Variants in PDK1 observed in about 807,000 individuals in gnomAD.
The protein encoded by PDK1 is pyruvate dehydrogenase kinase 1.
Under a neutral mutation model 54.2 loss-of-function variants are expected in PDK1, and 39 were observed. The ratio of observed to expected loss-of-function variants is 0.72; its 90% confidence interval spans 0.56 to 0.94. The LOEUF (loss-of-function observed/expected upper bound fraction) is 0.94, where lower values mean the gene tolerates loss of function less well. Among genes scored for constraint, PDK1 ranks in the 40% least tolerant of loss-of-function variants. The pLI is 0.00. For synonymous variants in PDK1, 221 were observed against 207.1 expected, an observed-to-expected ratio of 1.07 and a Z score of -0.58; for missense variants, 552 against 566.0, an observed-to-expected ratio of 0.98 and a Z score of 0.25.
the PDK1 span, among the ~76,000 whole-genome samples, chr2:172,702,830 C>A: frequency 2.8e-4 from 42 of 152,082 alleles, no homozygotes; most frequent in Non-Finnish European, 5.4e-4. Context: ...AGGGCAAAAC[C>A]ACTGGTACCC....
At chr2:172,634,882 A>G in the PDK1 span, among the ~76,000 whole-genome samples, 23 of 152,302 alleles carry the variant, frequency 1.5e-4, no homozygotes, top group South Asian at 2.7e-3. Flanking sequence ...GCAGTGTATT[A>G]GTGCATTATA....
At chr2:172,692,081 C>T in the PDK1 span, among the ~76,000 whole-genome samples, 1 of 152,146 alleles carries the variant, frequency 6.6e-6, no homozygotes, top group Admixed American at 6.5e-5. Context: ...ATCAGCCTGC[C>T]CATGCTTGAT....
the PDK1 span, among the ~76,000 whole-genome samples, chr2:172,650,869 C>T: frequency 1.3e-5 from 2 of 152,156 alleles, no homozygotes; most frequent in East Asian, 3.9e-4. Flanking sequence ...TAGACTCCCA[C>T]ACAATAATAA....
At chr2:172,650,212 C>T in the PDK1 span, among the ~76,000 whole-genome samples, 1 of 152,154 alleles carries the variant, frequency 6.6e-6, no homozygotes, top group Non-Finnish European at 1.5e-5. Context: ...GAATTTTCAA[C>T]CCAGAATTTC....
the PDK1 span, among the ~76,000 whole-genome samples, chr2:172,693,256 G>T: frequency 6.6e-6 from 1 of 152,242 alleles, no homozygotes; most frequent in Non-Finnish European, 1.5e-5. Context: ...TGGCACACTG[G>T]CTGGAAGCCA....
chr2:172,640,852 C>T, the PDK1 span, among the ~76,000 whole-genome samples: 16 of 152,292 alleles, frequency 1.1e-4, no homozygotes, highest in South Asian at 3.1e-3. Flanking sequence ...CATGGATACA[C>T]AGTAGCCTTG....
At chr2:172,683,591 A>T in the PDK1 span, among the ~76,000 whole-genome samples, 13 of 152,142 alleles carry the variant, frequency 8.5e-5, no homozygotes, top group African/African-American at 2.9e-4. Context: ...AGATACATGG[A>T]TATATACATT....
chr2:172,685,701 C>T, the PDK1 span, among the ~76,000 whole-genome samples: 1 of 152,192 alleles, frequency 6.6e-6, no homozygotes, highest in East Asian at 1.9e-4. Flanking sequence ...CTGATAAATG[C>T]ACCCGATACA....
At chr2:172,641,006 CTTTCTTTCTTTCTTTTCTT>C in the PDK1 span, among the ~76,000 whole-genome samples, 1 of 18,802 alleles carries the variant, frequency 5.3e-5, no homozygotes, top group Non-Finnish European at 3.9e-4. Context: ...TTTTTCTTTT[CTTTCTTTCTTTCTTTTCTT>C]TTTCTTTCTC....
chr2:172,572,349 G>T (rs1290184420), intron 8 of PDK1, among the ~76,000 whole-genome samples: 1 of 152,080 alleles, frequency 6.6e-6, no homozygotes, highest in African/African-American at 2.4e-5. Flanking sequence ...TTTAAAAAAG[G>T]TACAATTCAG....
the PDK1 span, among the ~76,000 whole-genome samples, chr2:172,722,314 T>C: frequency 6.6e-6 from 1 of 152,242 alleles, no homozygotes; most frequent in African/African-American, 2.4e-5. Context: ...AGGTCAATTG[T>C]CCTGGCAAAT....
chr2:172,556,449 C>A, intron 1 of PDK1, 103 bp downstream of exon 1: 3 of 775,286 alleles, frequency 3.9e-6, no homozygotes, highest in Non-Finnish European at 5.5e-6. Flanking sequence ...TCGCCTGAGG[C>A]GCACCCCTCC....
At chr2:172,720,823 T>C in the PDK1 span, among the ~76,000 whole-genome samples, 1 of 152,178 alleles carries the variant, frequency 6.6e-6, no homozygotes, top group Admixed American at 6.5e-5. Context: ...CTAGAGGCTT[T>C]TGTTCCTTGA....
At chr2:172,579,130 C>G (rs1018199245) in intron 8 of PDK1, among the ~76,000 whole-genome samples, 3 of 152,174 alleles carry the variant, frequency 2.0e-5, no homozygotes, top group South Asian at 2.1e-4. Context: ...CTAGACCTTC[C>G]TGTTAAGCTT....
chr2:172,627,968 C>T, the PDK1 span, among the ~76,000 whole-genome samples: 10 of 152,324 alleles, frequency 6.6e-5, no homozygotes, highest in South Asian at 2.1e-3. Flanking sequence ...AAGTCACACC[C>T]ATGAGCTGGA....
At chr2:172,665,236 C>T in the PDK1 span, among the ~76,000 whole-genome samples, 1 of 152,004 alleles carries the variant, frequency 6.6e-6, no homozygotes, top group Admixed American at 6.5e-5. Flanking sequence ...TTAAATTGCC[C>T]AGACTTCCAA....
At chr2:172,631,015 G>T in the PDK1 span, among the ~76,000 whole-genome samples, 1 of 152,118 alleles carries the variant, frequency 6.6e-6, no homozygotes, top group African/African-American at 2.4e-5. Flanking sequence ...TCACTTCATA[G>T]CTTTACCTTT....
At chr2:172,562,414 A>T (rs1043485343) in intron 3 of PDK1, 123 bp downstream of exon 3, 1 of 679,554 alleles carries the variant, frequency 1.5e-6, no homozygotes, top group Admixed American at 2.5e-5. Context: ...CAGCCCATAC[A>T]GGCAGGACAA....
intron 8 of PDK1, among the ~76,000 whole-genome samples, chr2:172,581,242 T>C (rs1689891623): frequency 6.6e-6 from 1 of 152,050 alleles, no homozygotes; most frequent in African/African-American, 2.4e-5. Context: ...AGGCGCCTGC[T>C]ACCACACCTG....
Sources: allele counts gnomAD v4.1 joint callset (sites outside exome capture counted in the v4.1 genomes callset), GRCh38; gene constraint gnomAD v4.1.1; transcripts MANE v1.5; gene names NCBI Gene and HGNC (gene_info 2026-07-23, HGNC 2026-07-21).